Variants in CLINT1 observed in about 807,000 individuals in gnomAD.
CLINT1 encodes clathrin interactor 1.
A neutral mutation model predicts 70.4 loss-of-function variants in CLINT1; 15 were observed. The observed-to-expected ratio is 0.21, with a 90% CI of 0.14 to 0.33. CLINT1 has a LOEUF of 0.33. CLINT1 is among the 10% of genes least tolerant of loss of function. The pLI is 1.00. For synonymous variants in CLINT1, 227 were observed against 254.7 expected (o/e 0.89, Z 1.04); for missense variants, 615 against 778.1 (o/e 0.79, Z 2.49).
chr5:157,819,735 A>G (rs967994807), intron 1 of CLINT1, among the ~76,000 whole-genome samples: 9 of 152,364 alleles, frequency 5.9e-5, no homozygotes, highest in Non-Finnish European at 1.3e-4. Flanking sequence ...TTTCATTACC[A>G]AGAATGCACT....
Position 157,817,332 on chromosome 5 carries a change from CA to C in CLINT1, c.146+110del, listed in dbSNP as rs1430392765. 2.4e-4 allele frequency: 165 copies of C among 683,736 alleles called. 2 individuals are homozygous for C. The African/African-American group carries it at 2.6e-3, about 11-fold the overall frequency. The allele number at this position is 683,736 out of a possible 1,614,324, so 42.4% of individuals were successfully genotyped here. On this transcript the variant is annotated intron_variant, in intron 2 of 11. Transcript: ENST00000411809. ...CTACATTACTATCTGAATGATTATGCAAAATTTATATTTTGGCAGCCAAATA... is the reference window on the plus strand; with the variant it reads ...CTACATTACTATCTGAATGATTATGCAAATTTATATTTTGGCAGCCAAATA...
chr5:157,787,511 C>G lies in CLINT1; in HGVS notation c.*135G>C. 3 of 786,782 alleles carry G rather than the reference C, an allele frequency of 3.8e-6. No individual in the cohort carries two copies. Among genetic ancestry groups the G allele is most frequent in the Non-Finnish European group, 6.1e-6 (3 of 491,642 alleles). The allele number at this position is 786,782 out of a possible 1,614,324, so 48.7% of individuals were successfully genotyped here. ...TGGATATTTCACTTTTATAAAACAG[C>G]CTTTTTGGTTCTTTATGTAGATTTA... On this transcript the variant is annotated 3_prime_UTR_variant, in exon 12 of 12. Transcript: ENST00000411809.
rs199681405 is a variant in CLINT1 at position 157,816,106 on chromosome 5, C to CA, written c.243+627dup. 7.4e-3 allele frequency among the ~76,000 whole-genome samples: 1,120 copies of CA among 151,784 alleles called. 7 individuals are homozygous for CA. Among genetic ancestry groups the CA allele is most frequent in the Admixed American group, 0.011 (174 of 15,248 alleles). ...GAATGTTTTCAGAAAGAAATAACAA[C>CA]AAAAAAAATGAAACTAACACATAGA... is the stretch of plus-strand genomic sequence containing the variant. On this transcript the variant is annotated intron_variant, in intron 3 of 11. Coordinates refer to ENST00000411809, the MANE Select transcript of CLINT1 (RefSeq NM_014666.4).
In CLINT1 at chr5:157,786,862, C is replaced by T. The variant is rs1288129721; in HGVS notation, c.*784G>A. On this transcript the variant is annotated 3_prime_UTR_variant, in exon 12 of 12. Transcript: ENST00000411809. ...GAAGGAAGCCTTGCCAAGTTAATCA[C>T]TGCAAATTGTAAATAATGACTGCTA... 1 of 152,166 alleles carries T rather than the reference C, an allele frequency of 6.6e-6. No homozygotes were observed. The highest frequency in any genetic ancestry group is 1.5e-5 in the Non-Finnish European group (1 of 68,018). 9.4% of individuals were successfully genotyped at this position (152,166 alleles called of 1,614,324 possible).
At chr5:157,823,152 G>A (rs185901557) in intron 1 of CLINT1, among the ~76,000 whole-genome samples, 13 of 152,026 alleles carry the variant, frequency 8.6e-5, no homozygotes, top group Non-Finnish European at 1.5e-4. Context: ...GTGTTCTGAC[G>A]TACGCATGCA....
intron 3 of CLINT1, among the ~76,000 whole-genome samples, chr5:157,815,727 T>C (rs1258372994): frequency 6.6e-6 from 1 of 152,222 alleles, no homozygotes; most frequent in Non-Finnish European, 1.5e-5. Flanking sequence ...CAAACCTAGA[T>C]GGTATGGCCT....
intron 6 of CLINT1, chr5:157,809,302 A>G (rs1762474101): frequency 4.8e-6 from 1 of 209,056 alleles, no homozygotes; most frequent in African/African-American, 2.3e-5. Context: ...ACAATATAGG[A>G]AACCCCAACG....
chr5:157,816,963 T>G, intron 2 of CLINT1, 133 bp from the exon 3 acceptor site: 1 of 602,274 alleles, frequency 1.7e-6, no homozygotes, highest in South Asian at 2.3e-5. Flanking sequence ...ATTTAGAAGA[T>G]ATGTACTTCC....
At chr5:157,818,739 C>A (rs140974503) in intron 1 of CLINT1, among the ~76,000 whole-genome samples, 1 of 151,938 alleles carries the variant, frequency 6.6e-6, no homozygotes, top group Non-Finnish European at 1.5e-5. Flanking sequence ...GAATTCACTT[C>A]GGAAAAAATC....
At chr5:157,817,093 A>G (rs1762743236) in intron 2 of CLINT1, among the ~76,000 whole-genome samples, 1 of 152,160 alleles carries the variant, frequency 6.6e-6, no homozygotes, top group African/African-American at 2.4e-5. Context: ...CAAGCTCTTC[A>G]TTCACTGGTA....
At position 157,837,649 on chromosome 5, in the gene CLINT1, CT is replaced by C. The variant is rs202044066; in HGVS notation, c.42-20103del. Among the ~76,000 whole-genome samples the C allele has an allele frequency of 4.6e-4, 64 of 138,496 alleles. No individual in the cohort carries two copies. The South Asian group carries it at 5.1e-3, about 11-fold the overall frequency. The allele number at this position is 138,496 out of a possible 152,430, so 90.9% of individuals were successfully genotyped here. On this transcript the variant is annotated intron_variant, in intron 1 of 11. Coordinates refer to ENST00000411809, the MANE Select transcript of CLINT1 (RefSeq NM_014666.4). ...CCAGCAAATTTCTCAAGCTCTTTTA[CT>C]TTTTTTTTTTTTGAGACGGAGTCTC... is the stretch of plus-strand genomic sequence containing the variant.
At chr5:157,822,815 TAAC>T (rs1395828677) in intron 1 of CLINT1, among the ~76,000 whole-genome samples, 2 of 152,194 alleles carry the variant, frequency 1.3e-5, no homozygotes, top group Non-Finnish European at 2.9e-5. Context: ...GTAAAATAAT[TAAC>T]AAGAAAAAAC....
intron 8 of CLINT1, among the ~76,000 whole-genome samples, chr5:157,796,925 G>A (rs896906834): frequency 1.3e-5 from 2 of 151,612 alleles, no homozygotes; most frequent in African/African-American, 4.9e-5. Context: ...CTCACCAGTT[G>A]ACTAATGCCA....
chr5:157,799,601 C>A (rs574739288), intron 8 of CLINT1, among the ~76,000 whole-genome samples: 10 of 152,034 alleles, frequency 6.6e-5, no homozygotes, highest in African/African-American at 2.4e-4. Context: ...ACAAAAGAGA[C>A]AAGTTGGACT....
At chr5:157,842,749 G>C (rs1207055381) in intron 1 of CLINT1, among the ~76,000 whole-genome samples, 2 of 152,126 alleles carry the variant, frequency 1.3e-5, no homozygotes, top group African/African-American at 2.4e-5. Context: ...TAAGCTCCTA[G>C]GGTTCATTTA....
intron 9 of CLINT1, among the ~76,000 whole-genome samples, chr5:157,792,997 A>G (rs1761964853): frequency 6.6e-6 from 1 of 152,226 alleles, no homozygotes; most frequent in African/African-American, 2.4e-5. Flanking sequence ...CTAAAAAGTG[A>G]CCAACCACTA....
intron 3 of CLINT1, among the ~76,000 whole-genome samples, 163 bp from the exon 4 acceptor site, chr5:157,814,456 TA>T (rs1445827932): frequency 1.3e-5 from 2 of 152,240 alleles, no homozygotes; most frequent in Non-Finnish European, 2.9e-5. Flanking sequence ...AGAACTTACA[TA>T]ATCAATTTGA....
intron 2 of CLINT1, among the ~76,000 whole-genome samples, chr5:157,817,175 A>T (rs1406613380): frequency 6.6e-6 from 1 of 152,138 alleles, no homozygotes; most frequent in Non-Finnish European, 1.5e-5. Flanking sequence ...GCATTTGTCA[A>T]AATTTTACAT....
chr5:157,837,415 C>CAA lies in CLINT1; in HGVS notation c.42-19869_42-19868insTT, dbSNP rs200776300. ...GAAGGATGGAATATATGTAAATACA[C>CAA]ACACACACACACACACACACACACA... is the stretch of plus-strand genomic sequence containing the variant. On this transcript the variant is annotated intron_variant, in intron 1 of 11. Coordinates refer to ENST00000411809, the MANE Select transcript of CLINT1 (RefSeq NM_014666.4). 7.7e-3 allele frequency among the ~76,000 whole-genome samples: 844 copies of CAA among 110,202 alleles called. 7 individuals are homozygous for CAA. The highest frequency in any genetic ancestry group is 0.038 in the East Asian group (189 of 5,036). The allele number at this position is 110,202 out of a possible 152,430, so 72.3% of individuals were successfully genotyped here.
Sources: allele counts gnomAD v4.1 joint callset (sites outside exome capture counted in the v4.1 genomes callset), GRCh38; gene constraint gnomAD v4.1.1; transcripts MANE v1.5; gene names NCBI Gene and HGNC (gene_info 2026-07-23, HGNC 2026-07-21).